The following PHF13 variants were observed in gnomAD, a reference collection of about 807,000 sequenced individuals.
PHF13 encodes PHD zinc finger protein PHF5.
PHF13 carries 1 observed loss-of-function variant against 25.8 expected under a neutral mutation model. The observed-to-expected ratio is 0.04, with a 90% CI of 0.01 to 0.18. The LOEUF is 0.18. PHF13 is among the 10% of genes least tolerant of loss of function. The pLI is 1.00. For synonymous variants in PHF13, 195 were observed against 162.4 expected (o/e 1.20, Z -1.53); for missense variants, 306 against 403.2 (o/e 0.76, Z 2.06).
chr1:6,622,733 G>T lies in PHF13; in HGVS notation c.*1096G>T, dbSNP rs538579233. 6.6e-6 allele frequency: 1 copy of T among 152,364 alleles called. No individual in the cohort carries two copies. Among genetic ancestry groups the T allele is most frequent in the Non-Finnish European group, 1.5e-5 (1 of 68,088 alleles). 9.4% of individuals were successfully genotyped at this position (152,364 alleles called of 1,614,324 possible). On this transcript the variant is annotated 3_prime_UTR_variant, in exon 4 of 4. Coordinates refer to ENST00000377648, the MANE Select transcript of PHF13 (RefSeq NM_153812.3). ...GTGAGTGAGTGATAGGGTAACATGG[G>T]CCTTCAGGATGACCCCTTGGAACTG...
At position 6,620,086 on chromosome 1, in the gene PHF13, T is replaced by C; in HGVS notation, c.425T>C (p.Leu142Pro). The C allele has an allele frequency of 1.2e-6, 2 of 1,613,442 alleles. No homozygotes were observed. The highest frequency in any genetic ancestry group is 8.5e-7 in the Non-Finnish European group (1 of 1,179,986). The change falls in exon 3 of 4, where the codon CTG becomes CCG. Residue 142 changes from leucine to proline, a missense_variant. Leu to Pro is a moderately conservative substitution (Grantham distance 98, BLOSUM62 -3). Coordinates refer to ENST00000377648, the MANE Select transcript of PHF13 (RefSeq NM_153812.3). Reference protein sequence around the residue: ...KEGYRGGLLKLEAADPYVETP... With the variant: ...KEGYRGGLLKPEAADPYVETP... ...GGGTACAGGGGGGGCTTGCTGAAGC[T>C]GGAAGCCGCTGACCCCTACGTGGAG...
In PHF13 at chr1:6,620,171, C is replaced by T. The variant is rs1641317692; in HGVS notation, c.510C>T (p.Gly170=). The change falls in exon 3 of 4, where the codon GGC becomes GGT. Residue 170 remains glycine, a synonymous_variant. Coordinates refer to ENST00000377648, the MANE Select transcript of PHF13 (RefSeq NM_153812.3). ...AGGCTCCCAGCGACCCCTGCTCGGGCTGGGACTCCGATACTCCCTCGAGTG... is the reference window on the plus strand; with the variant it reads ...AGGCTCCCAGCGACCCCTGCTCGGGTTGGGACTCCGATACTCCCTCGAGTG... ...IPQAPSDPCS[G]WDSDTPSSGS... The T allele has an allele frequency of 1.2e-6, 2 of 1,613,868 alleles. No individual in the cohort carries two copies. The highest frequency in any genetic ancestry group is 1.3e-5 in the African/African-American group (1 of 74,916).
intron 1 of PHF13, among the ~76,000 whole-genome samples, chr1:6,615,941 C>G (rs1641254531): frequency 6.6e-6 from 1 of 151,516 alleles, no homozygotes; most frequent in Admixed American, 6.6e-5. Context: ...GAGAGGGGTC[C>G]TCAGGTGGCG....
At position 6,622,768 on chromosome 1, in the gene PHF13, C is replaced by G. The variant is rs1250509423; in HGVS notation, c.*1131C>G. The G allele has an allele frequency of 4.6e-5, 7 of 152,138 alleles. No individual in the cohort carries two copies. The highest frequency in any genetic ancestry group is 1.7e-4 in the African/African-American group (7 of 41,418). 9.4% of individuals were successfully genotyped at this position (152,138 alleles called of 1,614,324 possible). On this transcript the variant is annotated 3_prime_UTR_variant, in exon 4 of 4. Transcript: ENST00000377648. ...TGACCCCTTGGAACTGTGCCGAGTT[C>G]CTTAAATCTCAGCTGGGATCCTGGA...
At position 6,622,252 on chromosome 1, in the gene PHF13, C is replaced by T. The variant is rs577866144; in HGVS notation, c.*615C>T. 43 of 159,670 alleles carry T rather than the reference C, an allele frequency of 2.7e-4. No individual in the cohort carries two copies. The highest frequency in any genetic ancestry group is 3.3e-3 in the Middle Eastern group (1 of 302). The allele number at this position is 159,670 out of a possible 1,614,324, so 9.9% of individuals were successfully genotyped here. On this transcript the variant is annotated 3_prime_UTR_variant, in exon 4 of 4. Transcript: ENST00000377648. ...GGTCAGCTGGTGGTTCTTAGGTTTC[C>T]TTCTGTTTGTTAAAAGGGACAATGT...
chr1:6,615,954 A>G (rs1641254648), intron 1 of PHF13, among the ~76,000 whole-genome samples: 1 of 150,712 alleles, frequency 6.6e-6, no homozygotes, highest in African/African-American at 2.4e-5. Flanking sequence ...AGGTGGCGCT[A>G]GCTTGGCAGG....
rs1464191515 is a variant in PHF13, at chr1:6,622,007, T to G, written c.*370T>G. The G allele has an allele frequency of 9.0e-6, 3 of 334,028 alleles. No homozygotes were observed. The highest frequency in any genetic ancestry group is 1.7e-5 in the Non-Finnish European group (3 of 172,648). The allele number at this position is 334,028 out of a possible 1,614,324, so 20.7% of individuals were successfully genotyped here. On this transcript the variant is annotated 3_prime_UTR_variant, in exon 4 of 4. Transcript: ENST00000377648. ...AGCTGTTATTCTGCTTCCACTGTGTTGGGGAGAGGTGTTCGGTTTCCCCAG... is the reference window on the plus strand; with the variant it reads ...AGCTGTTATTCTGCTTCCACTGTGTGGGGGAGAGGTGTTCGGTTTCCCCAG...
chr1:6,615,005 C>T (rs1286826101), intron 1 of PHF13, among the ~76,000 whole-genome samples: 2 of 151,328 alleles, frequency 1.3e-5, no homozygotes, highest in South Asian at 2.1e-4. Context: ...TCCTGCCTGG[C>T]GCACCCCCCT....
chr1:6,615,013 C>T (rs1570222355), intron 1 of PHF13, among the ~76,000 whole-genome samples: 1 of 151,556 alleles, frequency 6.6e-6, no homozygotes, highest in Non-Finnish European at 1.5e-5. Flanking sequence ...GGCGCACCCC[C>T]CTCACACATA....
intron 1 of PHF13, 45 bp from the exon 2 acceptor site, chr1:6,616,712 G>C (rs753757498): frequency 9.9e-6 from 15 of 1,522,242 alleles, no homozygotes; most frequent in South Asian, 1.1e-5. Flanking sequence ...ATTCCGCCTG[G>C]AAGCCTCTCC....
intron 3 of PHF13, among the ~76,000 whole-genome samples, chr1:6,620,968 G>T (rs567016773): frequency 6.6e-6 from 1 of 151,348 alleles, no homozygotes; most frequent in Non-Finnish European, 1.5e-5. Flanking sequence ...GGAGGTGGAG[G>T]TTGCAGTGAG....
Position 6,619,892 on chromosome 1 carries a change from C to G in PHF13, c.231C>G (p.Ile77Met), listed in dbSNP as rs765357449. 2 of 1,613,900 alleles carry G rather than the reference C, an allele frequency of 1.2e-6. No homozygotes were observed. Among genetic ancestry groups the G allele is most frequent in the South Asian group, 1.1e-5 (1 of 91,072 alleles). The change falls in exon 3 of 4, where the codon ATC (isoleucine) becomes ATG (methionine). Residue 77 changes from isoleucine (I) to methionine (M), a missense_variant. By Grantham distance (10) the Ile-to-Met change is conservative. Coordinates refer to ENST00000377648, the MANE Select transcript of PHF13 (RefSeq NM_153812.3). ...SDGWDAGFSD[I>M]ASSVPLPVSD... ...GCTGGGACGCGGGTTTCTCAGACATCGCGTCCTCAGTGCCCTTGCCAGTCT... is the reference window on the plus strand; with the variant it reads ...GCTGGGACGCGGGTTTCTCAGACATGGCGTCCTCAGTGCCCTTGCCAGTCT...
chr1:6,622,197 G>A lies in PHF13; in HGVS notation c.*560G>A, dbSNP rs1415107537. The A allele has an allele frequency of 1.2e-5, 2 of 167,712 alleles. No individual in the cohort carries two copies. The highest frequency in any genetic ancestry group is 2.4e-5 in the African/African-American group (1 of 41,830). The allele number at this position is 167,712 out of a possible 1,614,324, so 10.4% of individuals were successfully genotyped here. ...GGGGGAGGCACTGGCGGGAGGCCTC[G>A]GGCTCCCCTGGAAGGGCGCTGGGCT... On this transcript the variant is annotated 3_prime_UTR_variant, in exon 4 of 4. Transcript: ENST00000377648.
rs1053813153 is a variant in PHF13 at position 6,616,709 on chromosome 1, C to T, written c.40-48C>T. 5 of 1,510,258 alleles carry T rather than the reference C, an allele frequency of 3.3e-6. No individual in the cohort carries two copies. In the African/African-American group the frequency reaches 6.9e-5, roughly 21 times the overall value. 93.6% of individuals were successfully genotyped at this position (1,510,258 alleles called of 1,614,324 possible). A position where few individuals can be genotyped will look rare whatever the true frequency, so the allele number is the denominator to read the frequency against. ...CTTCCTTTTGTTTCTGTGATTCCGC[C>T]TGGAAGCCTCTCCTTCAAACACATT... On this transcript the variant is annotated intron_variant, in intron 1 of 3. Coordinates refer to ENST00000377648, the MANE Select transcript of PHF13 (RefSeq NM_153812.3).
intron 1 of PHF13, 130 bp from the exon 2 acceptor site, chr1:6,616,627 G>A (rs1211660040): frequency 1.4e-6 from 1 of 732,108 alleles, no homozygotes; most frequent in Non-Finnish European, 2.4e-6. Context: ...TCTTGTTTGT[G>A]GACTGTGTAA....
In PHF13 at chr1:6,621,917, G is replaced by T; in HGVS notation, c.*280G>T. 2.0e-5 allele frequency: 10 copies of T among 505,216 alleles called. 1 individual carries two copies. The highest frequency in any genetic ancestry group is 1.9e-4 in the South Asian group (9 of 46,898). 31.3% of individuals were successfully genotyped at this position (505,216 alleles called of 1,614,324 possible). On this transcript the variant is annotated 3_prime_UTR_variant, in exon 4 of 4. Transcript: ENST00000377648. The surrounding 1 kb of genome is among the most constrained non-coding windows in gnomAD (Gnocchi z 4.8). The stretch of plus-strand genomic sequence containing the variant: ...CGGGTTTGGCTCATTTGAAAATGAG[G>T]GTCCGTGGTAGCTGTGCGTTTTGCT...
intron 2 of PHF13, among the ~76,000 whole-genome samples, chr1:6,618,578 G>A (rs1022548050): frequency 6.6e-6 from 1 of 152,158 alleles, no homozygotes; most frequent in South Asian, 2.1e-4. Flanking sequence ...ATTTCTAGCA[G>A]GCAAACTGCC....
intron 1 of PHF13, among the ~76,000 whole-genome samples, chr1:6,615,146 G>T (rs1411626138): frequency 6.6e-6 from 1 of 151,530 alleles, no homozygotes; most frequent in Non-Finnish European, 1.5e-5. Flanking sequence ...GGCGGGCGGC[G>T]TGGGCCGTGT....
In PHF13 at chr1:6,619,795, CTTTT is replaced by C. The variant is rs768251780; in HGVS notation, c.142-6_142-3del. ...AGTAACTGGAATCTGCCACCTTTGT[CTTTT>C]TAGGAACTCCCTTTAAGGAGCAGCC... On this transcript the variant is annotated splice_region_variant and splice_polypyrimidine_tract_variant and intron_variant, in intron 2 of 3. Coordinates refer to ENST00000377648, the MANE Select transcript of PHF13 (RefSeq NM_153812.3). The C allele has an allele frequency of 7.7e-5, 121 of 1,578,852 alleles. 1 individual carries two copies. The East Asian group carries it at 2.7e-3, about 35-fold the overall frequency.
Sources: gnomAD v4.1 joint callset for allele counts (sites outside exome capture counted in the v4.1 genomes callset) on GRCh38, gnomAD v4.1.1 for gene constraint, Gnocchi (gnomAD v3.1) non-coding constraint, MANE v1.5 for transcripts, NCBI Gene and HGNC (gene_info 2026-07-23, HGNC 2026-07-21) for gene names.